ABCA4: variants seen among roughly 807,000 people sequenced by gnomAD.
ABCA4 encodes the protein retinal-specific phospholipid-transporting ATPase ABCA4.
A neutral mutation model predicts 263.7 loss-of-function variants in ABCA4; 196 were observed. The observed-to-expected ratio is 0.74, with a 90% CI of 0.66 to 0.84. ABCA4 has a LOEUF of 0.84. Among genes scored for constraint, ABCA4 ranks in the 40% least tolerant of loss-of-function variants. ABCA4 has a pLI of 0.00. For missense variants in ABCA4, 2,792 were observed against 2,855.1 expected (o/e 0.98, Z 0.50); for synonymous variants, 1,133 against 1,094.2 (o/e 1.04, Z -0.70).
chr1:93,994,504 A>T (rs918612215), intron 49 of ABCA4, among the ~76,000 whole-genome samples: 48 of 152,366 alleles, frequency 3.2e-4, no homozygotes, highest in African/African-American at 1.1e-3. Context: ...TTCTTGAGAG[A>T]AATTGCCTTT....
At chr1:94,054,434 C>A (rs1434339070) in intron 16 of ABCA4, among the ~76,000 whole-genome samples, 2 of 152,156 alleles carry the variant, frequency 1.3e-5, no homozygotes, top group African/African-American at 4.8e-5. Flanking sequence ...TTATGTAGAT[C>A]TCTTCAGTCT....
chr1:94,118,302 G>T (rs1213076706), intron 1 of ABCA4, among the ~76,000 whole-genome samples: 3 of 152,200 alleles, frequency 2.0e-5, no homozygotes, highest in African/African-American at 4.8e-5. Context: ...GGAAAGCAGA[G>T]ATCTGAAGAT....
intron 16 of ABCA4, among the ~76,000 whole-genome samples, chr1:94,054,366 A>G (rs1660914727): frequency 6.6e-6 from 1 of 152,168 alleles, no homozygotes; most frequent in African/African-American, 2.4e-5. Context: ...ATGTTCCCCA[A>G]AATAAAGTAG....
chr1:94,043,342 G>T lies in ABCA4; in HGVS notation c.3184C>A (p.Leu1062Ile), dbSNP rs966434923. 8.7e-6 allele frequency: 14 copies of T among 1,613,934 alleles called. No homozygotes were observed. In the African/African-American group the frequency reaches 1.7e-4, roughly 20 times the overall value. The stretch of plus-strand genomic sequence containing the variant: ...TCCATCCAGCTCTGAGCACCTGATA[G>T]GTCCTGAGCCTCTTCATTCCGCTTG... ...HHKRNEEAQD[L>I]SGGMQRKLSV... The change falls in exon 21 of 50, where the codon CTA becomes ATA. Residue 1062 changes from leucine to isoleucine, a missense_variant. Coordinates refer to ENST00000370225, the MANE Select transcript of ABCA4 (RefSeq NM_000350.3).
intron 19 of ABCA4, among the ~76,000 whole-genome samples, chr1:94,045,318 C>CTTT (rs10717749): frequency 3.1e-4 from 41 of 132,646 alleles, no homozygotes; most frequent in African/African-American, 7.5e-4. Context: ...CAATGGTGGG[C>CTTT]TTTTTTTTTT....
chr1:94,081,891 A>AAAAT (rs1161767152), intron 7 of ABCA4, among the ~76,000 whole-genome samples: 1 of 152,236 alleles, frequency 6.6e-6, no homozygotes, highest in Admixed American at 6.5e-5. Flanking sequence ...ATACGAAATT[A>AAAAT]AAATAATGCT....
At chr1:94,007,587 C>T in intron 43 of ABCA4, 47 bp downstream of exon 43, 1 of 1,514,374 alleles carries the variant, frequency 6.6e-7, no homozygotes, top group East Asian at 2.3e-5. Flanking sequence ...ATTCTTCTCA[C>T]AGGACCTGTG....
In ABCA4 at chr1:94,005,486, G is replaced by A. The variant is rs747516100; in HGVS notation, c.6102C>T (p.Tyr2034=). The A allele has an allele frequency of 2.7e-5, 43 of 1,614,180 alleles. No homozygotes were observed. Among genetic ancestry groups the A allele is most frequent in the Non-Finnish European group, 3.6e-5 (42 of 1,180,034 alleles). The change falls in exon 44 of 50, where the codon TAC becomes TAT. Residue 2034 remains tyrosine, a synonymous_variant. Coordinates refer to ENST00000370225, the MANE Select transcript of ABCA4 (RefSeq NM_000350.3). ...GTACACCTCGAAGCCGGGCATAAAG[G>A]TAAAGATGTTCTCGTCCTGTGAGCA... is the stretch of plus-strand genomic sequence containing the variant. ...DELLTGREHL[Y]LYARLRGVPA...
At chr1:94,000,763 G>C in intron 47 of ABCA4, 73 bp downstream of exon 47, 1 of 1,488,718 alleles carries the variant, frequency 6.7e-7, no homozygotes, top group Non-Finnish European at 9.4e-7. Flanking sequence ...ACTCTTCCAA[G>C]TGTCAATGGA....
At chr1:94,004,756 G>A (rs1280963082) in intron 44 of ABCA4, among the ~76,000 whole-genome samples, 9 of 152,082 alleles carry the variant, frequency 5.9e-5, no homozygotes, top group African/African-American at 2.2e-4. Flanking sequence ...CAGAAGTACT[G>A]TTTCCTCCCA....
intron 19 of ABCA4, among the ~76,000 whole-genome samples, chr1:94,045,318 C>A (rs1168203809): frequency 7.5e-6 from 1 of 132,630 alleles, no homozygotes; most frequent in African/African-American, 2.9e-5. Flanking sequence ...CAATGGTGGG[C>A]TTTTTTTTTT....
intron 44 of ABCA4, among the ~76,000 whole-genome samples, chr1:94,002,749 C>T (rs1010832104): frequency 3.3e-5 from 5 of 152,176 alleles, no homozygotes; most frequent in African/African-American, 1.2e-4. Context: ...CAGGCTCTCC[C>T]TGGGCCACCC....
Position 94,031,983 on chromosome 1 carries a change from T to C in ABCA4, c.3923A>G (p.Glu1308Gly), listed in dbSNP as rs764034837. The stretch of plus-strand genomic sequence containing the variant: ...GTCCTGGGGTGTCTGTCCAGCCTTC[T>C]CTCTGGGACCCAAGCAGGGGTGTCG... ...NPRHPCLGPR[E>G]KAGQTPQDSN... The change falls in exon 27 of 50, where the codon GAG (glutamate) becomes GGG (glycine). Residue 1308 changes from glutamate (E) to glycine (G), a missense_variant. Physicochemically the swap from Glu to Gly is moderately conservative, Grantham distance 98. Transcript: ENST00000370225. The C allele has an allele frequency of 1.2e-6, 2 of 1,613,962 alleles. No homozygotes were observed. The highest frequency in any genetic ancestry group is 1.7e-6 in the Non-Finnish European group (2 of 1,180,006).
chr1:94,080,554 T>C lies in ABCA4; in HGVS notation c.1023A>G (p.Glu341=). 6.2e-7 allele frequency: 1 copy of C among 1,614,170 alleles called. No individual in the cohort carries two copies. Among genetic ancestry groups the C allele is most frequent in the Non-Finnish European group, 8.5e-7 (1 of 1,180,028 alleles). The part of the protein sequence containing the change: ...GSRVLSFNWY[E]DNNYKAFLGI... ...CCAGAAAGGCCTTATAGTTATTGTC[T>C]TCATACCAGTTGAAGGAGAGCACCC... Residue 341 remains glutamate, a synonymous_variant, in exon 8 of 50, where the codon GAA becomes GAG. Coordinates refer to ENST00000370225, the MANE Select transcript of ABCA4 (RefSeq NM_000350.3).
chr1:94,106,698 C>G (rs749312921), intron 4 of ABCA4, among the ~76,000 whole-genome samples: 2 of 152,284 alleles, frequency 1.3e-5, no homozygotes, highest in South Asian at 4.1e-4. Flanking sequence ...ACAATGAGAA[C>G]GTAATTCAGC....
chr1:94,001,438 G>A (rs1013298115), intron 45 of ABCA4: 2 of 496,722 alleles, frequency 4.0e-6, no homozygotes, highest in Non-Finnish European at 3.7e-6. Flanking sequence ...TCACTTCCTT[G>A]GTTCCCGCTA....
At chr1:94,111,838 GA>G (rs756305148) in intron 2 of ABCA4, among the ~76,000 whole-genome samples, 3 of 152,214 alleles carry the variant, frequency 2.0e-5, no homozygotes, top group Non-Finnish European at 4.4e-5. Context: ...ATGTGAAGGG[GA>G]AGCAAGGGGG....
intron 30 of ABCA4, among the ~76,000 whole-genome samples, chr1:94,026,213 C>A (rs752357202): frequency 1.3e-5 from 2 of 151,356 alleles, no homozygotes; most frequent in Non-Finnish European, 3.0e-5. Context: ...CACTTTCTAT[C>A]TCCTCCCCCT....
intron 1 of ABCA4, among the ~76,000 whole-genome samples, chr1:94,118,917 A>C (rs764827807): frequency 2.0e-5 from 3 of 152,246 alleles, no homozygotes; most frequent in African/African-American, 7.2e-5. Flanking sequence ...CAGCAGCTAC[A>C]GTCCTGTTAT....
Sources: allele counts gnomAD v4.1 joint callset (sites outside exome capture counted in the v4.1 genomes callset), GRCh38; gene constraint gnomAD v4.1.1; transcripts MANE v1.5; gene names NCBI Gene and HGNC (gene_info 2026-07-23, HGNC 2026-07-21).